CD22: variants seen among roughly 807,000 people sequenced by gnomAD.
CD22 encodes B-cell receptor CD22.
A neutral mutation model predicts 94.7 loss-of-function variants in CD22; 51 were observed. The ratio of observed to expected loss-of-function variants is 0.54; its 90% CI spans 0.43 to 0.68. The LOEUF is 0.68. CD22 is among the 30% of genes least tolerant of loss of function. CD22 has a pLI of 0.00. For missense variants in CD22, 931 were observed against 1,060.4 expected (o/e 0.88, Z 1.69); for synonymous variants, 424 against 422.5 (o/e 1.00, Z -0.04).
Position 35,329,193 on chromosome 19 carries a change from T to C in CD22, c.-60T>C. 1 of 1,289,628 alleles carries C rather than the reference T, an allele frequency of 7.8e-7. No individual in the cohort carries two copies. The highest frequency in any genetic ancestry group is 1.0e-6 in the Non-Finnish European group (1 of 988,690). 79.9% of individuals were successfully genotyped at this position (1,289,628 alleles called of 1,614,324 possible). A position where few individuals can be genotyped will look rare whatever the true frequency, so the allele number is the denominator to read the frequency against. ...TACTTCTCCTTTTGCTCTCAGATGC[T>C]GCCAGGGTCCCTGAAGAGGGAAGAC... is the stretch of plus-strand genomic sequence containing the variant. On this transcript the variant is annotated 5_prime_UTR_variant, in exon 1 of 14. Coordinates refer to ENST00000085219, the MANE Select transcript of CD22 (RefSeq NM_001771.4).
At chr19:35,335,939 G>A in intron 3 of CD22, 97 bp from the exon 4 acceptor site, 1 of 961,260 alleles carries the variant, frequency 1.0e-6, no homozygotes, top group East Asian at 2.4e-5. Context: ...GTGGCAAGGG[G>A]TTCCTGAGGG....
intron 3 of CD22, among the ~76,000 whole-genome samples, chr19:35,335,344 C>T (rs2267579): frequency 0.12 from 17,695 of 151,492 alleles, 1,089 homozygotes; most frequent in Middle Eastern, 0.14. Flanking sequence ...TCGTTTGAGC[C>T]CAGGAGTTTG....
In CD22 at chr19:35,337,855, G is replaced by A. The variant is rs761204943; in HGVS notation, c.819G>A (p.Glu273=). The change falls in exon 5 of 14, where the codon GAG becomes GAA. Residue 273 remains glutamate (E), a synonymous_variant. Transcript: ENST00000085219. This position sits in a 1 kb window ranked among gnomAD's most constrained non-coding sequence, Gnocchi z 4.4. ...MTCEVSSSNP[E]YTTVSWLKDG... The stretch of plus-strand genomic sequence containing the variant: ...GCGAGGTCAGCAGCAGCAACCCGGA[G>A]TACACGACGGTATCCTGGCTCAAGG... 2.5e-6 allele frequency: 4 copies of A among 1,614,122 alleles called. No individual in the cohort carries two copies. The South Asian group carries it at 4.4e-5, about 18-fold the overall frequency.
intron 13 of CD22, 139 bp from the exon 14 acceptor site, chr19:35,346,427 C>CCACAGCCAGTTTCCTGA: frequency 7.9e-7 from 1 of 1,260,504 alleles, no homozygotes; most frequent in Non-Finnish European, 1.1e-6. Flanking sequence ...TGGATGCCGG[C>CCACAGCCAGTTTCCTGA]CACAGCCAGT....
rs1427766454 is a variant in CD22, at chr19:35,332,055, C to A, written c.15C>A (p.Gly5=). 8 of 1,613,856 alleles carry A rather than the reference C, an allele frequency of 5.0e-6. No individual in the cohort carries two copies. Among genetic ancestry groups the A allele is most frequent in the Non-Finnish European group, 6.8e-6 (8 of 1,179,906 alleles). ...GACACGACACCATGCATCTCCTCGG[C>A]CCCTGGCTCCTGCTCCTGGGTAAGG... is the stretch of plus-strand genomic sequence containing the variant. MHLL[G]PWLLLLVLEY... The change falls in exon 2 of 14, where the codon GGC becomes GGA. Residue 5 remains glycine, a synonymous_variant. Transcript: ENST00000085219.
In CD22 at chr19:35,345,131, G is replaced by A. The variant is rs368792548; in HGVS notation, c.2208+5G>A. 8.0e-5 allele frequency: 129 copies of A among 1,613,366 alleles called. No homozygotes were observed. The highest frequency in any genetic ancestry group is 3.3e-4 in the Middle Eastern group (2 of 5,986). On this transcript the variant is annotated splice_donor_5th_base_variant and intron_variant, in intron 11 of 13. Transcript: ENST00000085219. ...TTCTTTGTGAGGAATAAAAAGGTAG[G>A]ATGGGGCTGGGCACGATGGCTCATG...
rs762515089 is a variant in CD22 at position 35,346,800 on chromosome 19, G to GCA, written c.*119_*120dup. The GCA allele has an allele frequency of 7.4e-4, 671 of 906,414 alleles. No homozygotes were observed. The highest frequency in any genetic ancestry group is 8.4e-4 in the Non-Finnish European group (517 of 617,508). 56.1% of individuals were successfully genotyped at this position (906,414 alleles called of 1,614,324 possible). A position where few individuals can be genotyped will look rare whatever the true frequency, so the allele number is the denominator to read the frequency against. On this transcript the variant is annotated 3_prime_UTR_variant, in exon 14 of 14. Transcript: ENST00000085219. ...ATGGCTTCCTCCTGCGCGCATGTGC[G>GCA]CACACACACACACACACGCACACAC...
intron 1 of CD22, 98 bp from the exon 2 acceptor site, chr19:35,331,921 A>G: frequency 6.3e-7 from 1 of 1,596,266 alleles, no homozygotes; most frequent in Non-Finnish European, 8.6e-7. Context: ...GTCCTCCCGG[A>G]TCCAGGGGAA....
At position 35,332,801 on chromosome 19, in the gene CD22, G is replaced by T. The variant is rs147711132; in HGVS notation, c.289G>T (p.Asp97Tyr). 3.1e-5 allele frequency: 50 copies of T among 1,614,100 alleles called. No individual in the cohort carries two copies. In the East Asian group the frequency reaches 3.3e-4, roughly 11 times the overall value. Residue 97 changes from aspartate (D) to tyrosine (Y), a missense_variant, in exon 3 of 14, where the codon GAC becomes TAC. By Grantham distance (160) the Asp-to-Tyr change is radical. Transcript: ENST00000085219. The part of the protein sequence containing the change: ...SEQKRVQFLG[D>Y]KNKNCTLSIH... ...GCAGAAAAGGGTGCAATTCCTGGGA[G>T]ACAAGAATAAGAACTGCACACTGAG...
intron 3 of CD22, among the ~76,000 whole-genome samples, chr19:35,333,485 T>C (rs892260918): frequency 6.6e-6 from 1 of 152,210 alleles, no homozygotes; most frequent in Non-Finnish European, 1.5e-5. Flanking sequence ...TGCAGTGCCA[T>C]AACTGAGCCT....
Position 35,338,330 on chromosome 19 carries a change from T to A in CD22, c.1148T>A (p.Ile383Asn). Reference protein sequence around the residue: ...MQGRTEEKVHIPKILPWHAGT... With the variant: ...MQGRTEEKVHNPKILPWHAGT... ...GGAAGGACAGAGGAGAAAGTCCACA[T>A]CCCAAAGATCCTCCCCTGGCACGCT... Residue 383 changes from isoleucine to asparagine, a missense_variant, in exon 6 of 14, where the codon ATC becomes AAC. Ile to Asn is a moderately radical substitution (Grantham distance 149). Transcript: ENST00000085219. 6.2e-7 allele frequency: 1 copy of A among 1,614,168 alleles called. No individual in the cohort carries two copies. The highest frequency in any genetic ancestry group is 8.5e-7 in the Non-Finnish European group (1 of 1,180,032).
At chr19:35,336,747 G>A (rs67924468) in intron 4 of CD22, 10,035 of 193,886 alleles carry the variant, frequency 0.052, 417 homozygotes, top group East Asian at 0.13. Context: ...CTTGCCCCAC[G>A]CGGAGCCAGC....
intron 4 of CD22, chr19:35,336,580 T>G: frequency 1.9e-6 from 1 of 532,808 alleles, no homozygotes; most frequent in Non-Finnish European, 3.3e-6. Context: ...GGTTAGGTCT[T>G]TTTGTTCCCC....
rs933690206 is a variant in CD22, at chr19:35,344,925, G to A, written c.2132G>A (p.Arg711His). 3 of 1,612,950 alleles carry A rather than the reference G, an allele frequency of 1.9e-6. No individual in the cohort carries two copies. The highest frequency in any genetic ancestry group is 1.7e-6 in the Non-Finnish European group (2 of 1,178,996). The change falls in exon 10 of 14, where the codon CGT (arginine) becomes CAT (histidine). Residue 711 changes from arginine to histidine, a missense_variant and splice_region_variant. Transcript: ENST00000085219. ...ATCTGTGGGCTCAAGCTCCAGCGAC[G>A]GTGAGCTCCTGCCATCCCCCACCAC... is the stretch of plus-strand genomic sequence containing the variant. ...LAICGLKLQR[R>H]WKRTQSQQGL...
intron 2 of CD22, 34 bp downstream of exon 2, chr19:35,332,108 CTGGGA>C: frequency 1.9e-6 from 3 of 1,613,676 alleles, no homozygotes; most frequent in Non-Finnish European, 2.5e-6. Flanking sequence ...TACTGGGGTT[CTGGGA>C]TGTCAGTGGG....
intron 12 of CD22, 36 bp from the exon 13 acceptor site, chr19:35,346,115 C>T (rs760700792): frequency 6.6e-7 from 1 of 1,507,424 alleles, no homozygotes. Flanking sequence ...GTGGGAGATG[C>T]TTCATGCGTG....
Position 35,346,216 on chromosome 19 carries a change from C to T in CD22, c.2393C>T (p.Ala798Val), listed in dbSNP as rs375870727. ...TGCGATGACACGGTCACTTATTCAGCATTGCACAAGCGCCAAGTGGTAAGG... is the reference window on the plus strand; with the variant it reads ...TGCGATGACACGGTCACTTATTCAGTATTGCACAAGCGCCAAGTGGTAAGG... ...PDCDDTVTYS[A>V]LHKRQVGDYE... Residue 798 changes from alanine (A) to valine (V), a missense_variant, in exon 13 of 14, where the codon GCA becomes GTA. Ala to Val is a moderately conservative substitution (Grantham distance 64). Transcript: ENST00000085219. 7.2e-5 allele frequency: 117 copies of T among 1,613,946 alleles called. No individual in the cohort carries two copies. The highest frequency in any genetic ancestry group is 1.6e-4 in the Middle Eastern group (1 of 6,062).
intron 2 of CD22, 69 bp from the exon 3 acceptor site, chr19:35,332,478 A>C (rs1290685508): frequency 7.0e-7 from 1 of 1,425,884 alleles, no homozygotes; most frequent in African/African-American, 1.5e-5. Context: ...CAAATTTTAA[A>C]ATAAAAAATA....
intron 9 of CD22, among the ~76,000 whole-genome samples, chr19:35,342,961 C>A (rs2066840196): frequency 6.6e-6 from 1 of 152,150 alleles, no homozygotes; most frequent in Non-Finnish European, 1.5e-5. Context: ...CAGGCGCCTG[C>A]CACCATGCCC....
Sources: gnomAD v4.1 joint callset for allele counts (sites outside exome capture counted in the v4.1 genomes callset) on GRCh38, gnomAD v4.1.1 for gene constraint, Gnocchi (gnomAD v3.1) non-coding constraint, MANE v1.5 for transcripts, NCBI Gene and HGNC (gene_info 2026-07-23, HGNC 2026-07-21) for gene names.